PLG: variants seen among roughly 807,000 people sequenced by gnomAD.
The protein encoded by PLG is plasmin.
Under a neutral mutation model 104.4 loss-of-function variants are expected in PLG, and 41 were observed. The observed-to-expected ratio is 0.39, with a 90% confidence interval of 0.31 to 0.51. The LOEUF (loss-of-function observed/expected upper bound fraction) is 0.51, where lower values mean the gene tolerates loss of function less well. PLG is among the 20% of genes least tolerant of loss of function. The probability of loss-of-function intolerance (pLI) is 0.76; values close to 1 mark genes in which losing one functional copy is unlikely to be tolerated. For missense variants in PLG, 891 were observed against 1,003.6 expected, an observed-to-expected ratio of 0.89 and a Z score of 1.52; for synonymous variants, 337 against 357.1, an observed-to-expected ratio of 0.94 and a Z score of 0.63.
At position 160,718,420 on chromosome 6, in the gene PLG, A is replaced by T; in HGVS notation, c.914A>T (p.His305Leu). The change falls in exon 8 of 19, where the codon CAC becomes CTC. Residue 305 changes from histidine (H) to leucine (L), a missense_variant. Transcript: ENST00000308192. ...CAGCACTGGAGTGCACAGACCCCTC[A>T]CACACATAACAGGACACCAGAAAAC... ...TCQHWSAQTP[H>L]THNRTPENFP... The T allele has an allele frequency of 1.2e-6, 2 of 1,613,672 alleles. No individual in the cohort carries two copies. The highest frequency in any genetic ancestry group is 8.5e-7 in the Non-Finnish European group (1 of 1,179,558).
At chr6:160,747,125 T>C (rs144034477) in intron 17 of PLG, among the ~76,000 whole-genome samples, 12 of 152,344 alleles carry the variant, frequency 7.9e-5, no homozygotes, top group Admixed American at 7.8e-4. Flanking sequence ...TAGACTAGTC[T>C]TCTTCCCAAA....
chr6:160,732,361 T>C lies in PLG; in HGVS notation c.1587+468T>C, dbSNP rs1778014209. ...CCTATGAATAGGGAAGACTGAGATA[T>C]AGGAAAAACCAAAGTGTCTGTGTTC... is the stretch of plus-strand genomic sequence containing the variant. On this transcript the variant is annotated intron_variant, in intron 12 of 18. Coordinates refer to ENST00000308192, the MANE Select transcript of PLG (RefSeq NM_000301.5). The surrounding 1 kb of genome is among the most constrained non-coding windows in gnomAD (Gnocchi z 4.5). 6.6e-6 allele frequency among the ~76,000 whole-genome samples: 1 copy of C among 152,170 alleles called. No individual in the cohort carries two copies. Among genetic ancestry groups the C allele is most frequent in the Non-Finnish European group, 1.5e-5 (1 of 68,034 alleles).
intron 3 of PLG, 81 bp from the exon 4 acceptor site, chr6:160,710,996 T>C (rs1777628857): frequency 1.5e-6 from 2 of 1,357,478 alleles, no homozygotes; most frequent in Non-Finnish European, 1.1e-6. Context: ...ATGAGATCTT[T>C]TTCTCAACGT....
chr6:160,737,002 A>G lies in PLG; in HGVS notation c.1797A>G (p.Arg599=). The G allele has an allele frequency of 6.2e-7, 1 of 1,613,246 alleles. No individual in the cohort carries two copies. The highest frequency in any genetic ancestry group is 1.1e-5 in the South Asian group (1 of 91,046). ...PHSWPWQVSL[R]TRFGMHFCGG... is the part of the protein sequence containing the mutation. ...CCTGGCCCTGGCAAGTCAGTCTTAG[A>G]ACAAGGTAAGAACAGGCCCAGAAAC... The change falls in exon 14 of 19, where the codon AGA becomes AGG. Residue 599 remains arginine, a synonymous_variant. Transcript: ENST00000308192. The surrounding 1 kb of genome is among the most constrained non-coding windows in gnomAD (Gnocchi z 4.7).
At chr6:160,709,206 T>A (rs1777589584) in intron 3 of PLG, among the ~76,000 whole-genome samples, 1 of 152,082 alleles carries the variant, frequency 6.6e-6, no homozygotes, top group Non-Finnish European at 1.5e-5. Flanking sequence ...AAGTCAGTCA[T>A]TTTTTGGTCC....
intron 4 of PLG, chr6:160,712,038 A>G: frequency 1.9e-6 from 1 of 523,014 alleles, no homozygotes; most frequent in Non-Finnish European, 2.7e-6. Flanking sequence ...CCAACACTCA[A>G]CAAATTGCCT....
chr6:160,749,968 C>A (rs371893168), intron 17 of PLG, among the ~76,000 whole-genome samples: 14 of 152,282 alleles, frequency 9.2e-5, no homozygotes, highest in African/African-American at 2.4e-4. Flanking sequence ...TGTAGCTGGA[C>A]CTTGAGCCCA....
chr6:160,722,570 A>G lies in PLG; in HGVS notation c.1256+3A>G, dbSNP rs1210461455. On this transcript the variant is annotated splice_donor_region_variant and intron_variant, in intron 10 of 18. Transcript: ENST00000308192. ...ACCCCAGAAAACTACCCAAATGCGT[A>G]TGTCTTTGATTTTTACTGTAAGAGG... The G allele has an allele frequency of 1.2e-6, 2 of 1,613,166 alleles. No homozygotes were observed. The highest frequency in any genetic ancestry group is 2.2e-5 in the East Asian group (1 of 44,874).
chr6:160,745,474 C>T (rs1476586016), intron 17 of PLG, among the ~76,000 whole-genome samples: 7 of 152,092 alleles, frequency 4.6e-5, no homozygotes, highest in African/African-American at 1.4e-4. Flanking sequence ...GCAACCCTTG[C>T]TTTTTTGTCT....
In PLG at chr6:160,706,417, G is replaced by A; in HGVS notation, c.60G>A (p.Glu20=). ...LLLFLKSGQG[E]PLDDYVNTQG... ...ATCTCCCACCTCTAGGTCAAGGAGA[G>A]CCTCTGGATGACTATGTGAATACCC... The change falls in exon 2 of 19, where the codon GAG becomes GAA. Residue 20 remains glutamate, a synonymous_variant. Transcript: ENST00000308192. The A allele has an allele frequency of 6.2e-7, 1 of 1,613,156 alleles. No homozygotes were observed. Among genetic ancestry groups the A allele is most frequent in the Non-Finnish European group, 8.5e-7 (1 of 1,179,542 alleles).
chr6:160,753,167 C>T lies in PLG; in HGVS notation c.*106C>T, dbSNP rs941005637. The T allele has an allele frequency of 1.4e-6, 1 of 737,456 alleles. No homozygotes were observed. Among genetic ancestry groups the T allele is most frequent in the African/African-American group, 1.8e-5 (1 of 56,712 alleles). 45.7% of individuals were successfully genotyped at this position (737,456 alleles called of 1,614,324 possible). A position where few individuals can be genotyped will look rare whatever the true frequency, so the allele number is the denominator to read the frequency against. On this transcript the variant is annotated 3_prime_UTR_variant, in exon 19 of 19. Coordinates refer to ENST00000308192, the MANE Select transcript of PLG (RefSeq NM_000301.5). This position sits in a 1 kb window ranked among gnomAD's most constrained non-coding sequence, Gnocchi z 5.4. ...GCAGTAATCAAACGAAGACACTGTC[C>T]CCAGCTACCAGCTACGCCAAACCTC...
intron 5 of PLG, 148 bp downstream of exon 5, chr6:160,713,273 A>AATTT (rs1554250186): frequency 1.0e-5 from 6 of 586,282 alleles, no homozygotes; most frequent in African/African-American, 9.5e-5. Context: ...ATTAACCTGA[A>AATTT]TTTTTTTTTT....
At position 160,722,443 on chromosome 6, in the gene PLG, T is replaced by C. The variant is rs1777847562; in HGVS notation, c.1132T>C (p.Tyr378His). ...GCTAACCCCTGTGGTCCAGGACTGC[T>C]ACCATGGTGATGGACAGAGCTACCG... ...PELTPVVQDC[Y>H]HGDGQSYRGT... Residue 378 changes from tyrosine (Y) to histidine (H), a missense_variant, in exon 10 of 19, where the codon TAC (tyrosine) becomes CAC (histidine). Physicochemically the swap from Tyr to His is moderately conservative, Grantham distance 83 (BLOSUM62 2). Around this residue, in one of 2 missense-constraint regions of PLG, gnomAD observed 854 missense variants for 932.1 expected, o/e 0.92. Transcript: ENST00000308192. 2 of 1,612,844 alleles carry C rather than the reference T, an allele frequency of 1.2e-6. No homozygotes were observed. Among genetic ancestry groups the C allele is most frequent in the African/African-American group, 1.3e-5 (1 of 74,886 alleles).
rs4252150 is a variant in PLG, at chr6:160,737,974, T to C, written c.1803-564T>C. On this transcript the variant is annotated intron_variant, in intron 14 of 18. Coordinates refer to ENST00000308192, the MANE Select transcript of PLG (RefSeq NM_000301.5). This position sits in a 1 kb window ranked among gnomAD's most constrained non-coding sequence, Gnocchi z 4.7. ...CTATCTCTATTCCTCTTCTTTAAAT[T>C]TGGTTCCAAATGGCTCACACCATTA... Among the ~76,000 whole-genome samples the C allele has an allele frequency of 0.35, 53,042 of 151,890 alleles. 10,588 individuals carry two copies. Among genetic ancestry groups the C allele is most frequent in the African/African-American group, 0.54 (22,389 of 41,350 alleles).
At chr6:160,711,542 T>C in intron 4 of PLG, 1 of 1,593,698 alleles carries the variant, frequency 6.3e-7, no homozygotes, top group South Asian at 1.1e-5. Context: ...TTAGGATAAT[T>C]TCATCACTTT....
rs147025271 is a variant in PLG at position 160,744,399 on chromosome 6, T to C, written c.2125+2982T>C. Among the ~76,000 whole-genome samples, 3,031 of 152,288 alleles carry C rather than the reference T, an allele frequency of 0.02. 122 individuals carry two copies. The highest frequency in any genetic ancestry group is 0.07 in the African/African-American group (2,892 of 41,554). ...TGGTTCAGTCTTGGGAGGGTGTATG[T>C]GTCCAGGAATTTATCCATCTCTTTT... On this transcript the variant is annotated intron_variant, in intron 17 of 18. Coordinates refer to ENST00000308192, the MANE Select transcript of PLG (RefSeq NM_000301.5). The surrounding 1 kb of genome is among the most constrained non-coding windows in gnomAD (Gnocchi z 4.5).
chr6:160,735,239 G>T lies in PLG; in HGVS notation c.1681+1151G>T, dbSNP rs1192779000. 6.6e-6 allele frequency among the ~76,000 whole-genome samples: 1 copy of T among 152,080 alleles called. No homozygotes were observed. The highest frequency in any genetic ancestry group is 1.5e-5 in the Non-Finnish European group (1 of 68,028). On this transcript the variant is annotated intron_variant, in intron 13 of 18. Coordinates refer to ENST00000308192, the MANE Select transcript of PLG (RefSeq NM_000301.5). This position sits in a 1 kb window ranked among gnomAD's most constrained non-coding sequence, Gnocchi z 5.4. ...AGTTCTCCACTTCTGGCCCCATCTG[G>T]TACACACCACTGCCTCTCACTGCCC...
In PLG at chr6:160,731,013, C is replaced by T. The variant is rs1777990634; in HGVS notation, c.1257-38C>T. 1.2e-6 allele frequency: 2 copies of T among 1,603,206 alleles called. No homozygotes were observed. Among genetic ancestry groups the T allele is most frequent in the Non-Finnish European group, 1.7e-6 (2 of 1,170,196 alleles). On this transcript the variant is annotated intron_variant, in intron 10 of 18. Coordinates refer to ENST00000308192, the MANE Select transcript of PLG (RefSeq NM_000301.5). The surrounding 1 kb of genome is among the most constrained non-coding windows in gnomAD (Gnocchi z 5.1). ...GGTGCTGGGTGCCCCTGAATATTCT[C>T]CCACCTCTTGTGACCTGTATTGTTT...
chr6:160,743,462 G>A (rs76646277), intron 17 of PLG, among the ~76,000 whole-genome samples: 1 of 152,066 alleles, frequency 6.6e-6, no homozygotes, highest in South Asian at 2.1e-4. Flanking sequence ...TCTGGGCTTG[G>A]CTGTTGTTGG....
Sources: allele counts gnomAD v4.1 joint callset (sites outside exome capture counted in the v4.1 genomes callset), GRCh38; gene constraint gnomAD v4.1.1; regional missense constraint gnomAD v4.1.1; non-coding constraint Gnocchi (gnomAD v3.1); transcripts MANE v1.5; gene names NCBI Gene and HGNC (gene_info 2026-07-23, HGNC 2026-07-21).